SPTBN5: variants seen among roughly 807,000 people sequenced by gnomAD.
SPTBN5 encodes the protein spectrin beta chain, non-erythrocytic 5.
A neutral mutation model predicts 477.6 loss-of-function variants in SPTBN5; 513 were observed. The ratio of observed to expected loss-of-function variants is 1.07; its 90% confidence interval spans 1.00 to 1.16. SPTBN5 has a LOEUF of 1.16. SPTBN5 is among the 50% of genes most tolerant of loss of function. The pLI is 0.00. For missense variants in SPTBN5, 5,062 were observed against 4,731.8 expected, an observed-to-expected ratio of 1.07 and a Z score of -2.05; for synonymous variants, 2,169 against 2,011.7, an observed-to-expected ratio of 1.08 and a Z score of -2.09.
rs2066204221 is a variant in SPTBN5, at chr15:41,863,818, C to A, written c.7035G>T (p.Arg2345Ser). The stretch of plus-strand genomic sequence containing the variant: ...GCAAGTTGCCATGGAAACTCGCCCA[C>A]CTGGCCAAGGGGTGGTGGTGTCATG... Reference protein sequence around the residue: ...ICQRRSQLNNRWASFHGNLLR... With the variant: ...ICQRRSQLNNSWASFHGNLLR... The change falls in exon 41 of 68, where the codon AGG becomes AGT. Residue 2345 changes from arginine to serine, a missense_variant and splice_region_variant. By Grantham distance (110) the Arg-to-Ser change is moderately radical (BLOSUM62 -1). Transcript: ENST00000320955. The A allele has an allele frequency of 1.2e-6, 2 of 1,613,740 alleles. No homozygotes were observed. Among genetic ancestry groups the A allele is most frequent in the Non-Finnish European group, 1.7e-6 (2 of 1,179,872 alleles).
At chr15:41,852,554 G>T (rs1469109247) in intron 61 of SPTBN5, 80 bp downstream of exon 61, 1 of 1,483,920 alleles carries the variant, frequency 6.7e-7, no homozygotes, top group Non-Finnish European at 9.4e-7. Context: ...AGGGCTCAGT[G>T]CCCTGGGAGA....
rs566173906 is a variant in SPTBN5, at chr15:41,879,114, C to T, written c.3182+146G>A. On this transcript the variant is annotated intron_variant, in intron 16 of 67. Coordinates refer to ENST00000320955, the MANE Select transcript of SPTBN5 (RefSeq NM_016642.4). ...CTCTTCCTGTCCCCAGGACCATTTT[C>T]TCCTGATCATCCCCCCATCTTTGCC... The T allele has an allele frequency of 1.0e-4, 99 of 959,060 alleles. 1 individual carries two copies. The highest frequency in any genetic ancestry group is 6.2e-4 in the South Asian group (36 of 58,016). 59.4% of individuals were successfully genotyped at this position (959,060 alleles called of 1,614,324 possible). A position where few individuals can be genotyped will look rare whatever the true frequency, so the allele number is the denominator to read the frequency against.
intron 6 of SPTBN5, 32 bp from the exon 7 acceptor site, chr15:41,886,398 C>T (rs765079407): frequency 1.9e-6 from 3 of 1,541,984 alleles, no homozygotes; most frequent in Admixed American, 3.8e-5. Context: ...GGTCAGGGTC[C>T]TTCTCAGGGC....
rs2140961374 is a variant in SPTBN5 at position 41,882,565 on chromosome 15, CGCGCTCGGG to C, written c.2046+11_2046+19del. 6.3e-7 allele frequency: 1 copy of C among 1,585,218 alleles called. No individual in the cohort carries two copies. Among genetic ancestry groups the C allele is most frequent in the East Asian group, 2.3e-5 (1 of 43,352 alleles). ...GGGCAAGGCGCTGGCGACCGGCGGG[CGCGCTCGGG>C]GAGCTGACACCTTGTGTTTCTGCAG... On this transcript the variant is annotated intron_variant, in intron 10 of 67. Transcript: ENST00000320955.
intron 32 of SPTBN5, among the ~76,000 whole-genome samples, chr15:41,869,450 T>C (rs1164012224): frequency 6.6e-6 from 1 of 152,156 alleles, no homozygotes; most frequent in Non-Finnish European, 1.5e-5. Flanking sequence ...ATAGCTTCTA[T>C]ATTGCCCTCC....
Position 41,878,520 on chromosome 15 carries a change from G to A in SPTBN5, c.3292C>T (p.Gln1098Ter). ...CTCTGCCGGGCCTGAGTCTCAGCCT[G>A]GCGCCGGGCCCGTTGGGCCACTTGT... ...QEQVAQRARRQAETQARQSFL... is the reference protein window; with the variant it reads ...QEQVAQRARR The change falls in exon 17 of 68, where the codon CAG (glutamine) becomes TAG (stop). Residue 1098 changes from glutamine (Q) to a stop codon, truncating the protein, a stop_gained. Coordinates refer to ENST00000320955, the MANE Select transcript of SPTBN5 (RefSeq NM_016642.4). LOFTEE classifies it high-confidence loss of function. 3 of 1,613,150 alleles carry A rather than the reference G, an allele frequency of 1.9e-6. No homozygotes were observed. The highest frequency in any genetic ancestry group is 2.5e-6 in the Non-Finnish European group (3 of 1,179,758).
rs376353205 is a variant in SPTBN5 at position 41,886,337 on chromosome 15, C to T, written c.918G>A (p.Leu306=). Residue 306 remains leucine (L), a synonymous_variant, in exon 7 of 68, where the codon CTG becomes CTA. Transcript: ENST00000320955. ...KILLQLQETE[L]LQTQYEQLVA... is the part of the protein sequence containing the mutation. ...CCAGCTGCTCGTACTGGGTCTGCAG[C>T]AGCTCTGTCTCCTGGAGCTGAAGCA... 1 of 1,609,428 alleles carries T rather than the reference C, an allele frequency of 6.2e-7. No individual in the cohort carries two copies. Among genetic ancestry groups the T allele is most frequent in the African/African-American group, 1.3e-5 (1 of 75,022 alleles).
rs374348183 is a variant in SPTBN5, at chr15:41,872,362, C to T, written c.5105G>A (p.Arg1702His). ...CTCCCGGAGCCTCTCCTGCACCACA[C>T]GCTGCTGCTCAGGGACTTCGGGGCC... ...LTGPEVPEQQRVVQERLREQL... is the reference protein window; with the variant it reads ...LTGPEVPEQQHVVQERLREQL... The change falls in exon 27 of 68, where the codon CGT becomes CAT. Residue 1702 changes from arginine to histidine, a missense_variant. Transcript: ENST00000320955. 90 of 1,611,370 alleles carry T rather than the reference C, an allele frequency of 5.6e-5. No individual in the cohort carries two copies. The highest frequency in any genetic ancestry group is 5.5e-4 in the African/African-American group (41 of 75,004).
rs760415658 is a variant in SPTBN5, at chr15:41,869,859, C to T, written c.5835G>A (p.Leu1945=). Residue 1945 remains leucine (L), a synonymous_variant, in exon 32 of 68, where the codon CTG becomes CTA. Transcript: ENST00000320955. ...RRAQLERARL[L]ARFRTAVRDY... The stretch of plus-strand genomic sequence containing the variant: ...CCCTCACCGCCGTGCGGAAGCGGGC[C>T]AGGAGGCGTGCCCGCTCCAGCTGGG... 6.4e-7 allele frequency: 1 copy of T among 1,561,548 alleles called. No individual in the cohort carries two copies. Among genetic ancestry groups the T allele is most frequent in the Admixed American group, 1.9e-5 (1 of 52,062 alleles).
rs2140949480 is a variant in SPTBN5, at chr15:41,875,596, C to T, written c.4149G>A (p.Arg1383=). ...QQVGRELLSR[R]PCGQEDIQTR... is the part of the protein sequence containing the mutation. ...TCTGTATGTCCTCCTGGCCACAGGG[C>T]CTCCTACTCAACAGCTCTCTCCCAA... The change falls in exon 22 of 68, where the codon AGG becomes AGA. Residue 1383 remains arginine, a synonymous_variant. Coordinates refer to ENST00000320955, the MANE Select transcript of SPTBN5 (RefSeq NM_016642.4). The T allele has an allele frequency of 1.3e-6, 2 of 1,598,512 alleles. No homozygotes were observed. Among genetic ancestry groups the T allele is most frequent in the Non-Finnish European group, 1.7e-6 (2 of 1,172,574 alleles).
Position 41,887,210 on chromosome 15 carries a change from C to T in SPTBN5, c.888+3G>A, listed in dbSNP as rs377196221. 3.2e-6 allele frequency: 5 copies of T among 1,551,312 alleles called. No individual in the cohort carries two copies. Among genetic ancestry groups the T allele is most frequent in the Non-Finnish European group, 4.4e-6 (5 of 1,146,872 alleles). On this transcript the variant is annotated splice_donor_region_variant and intron_variant, in intron 6 of 67. Transcript: ENST00000320955. ...CTCACCCCACCCCTCCTTTCTCCCCCACCTTAGTGAGTCTCCTCTGGACAG... is the reference window on the plus strand; with the variant it reads ...CTCACCCCACCCCTCCTTTCTCCCCTACCTTAGTGAGTCTCCTCTGGACAG...
intron 22 of SPTBN5, 25 bp from the exon 23 acceptor site, chr15:41,875,081 T>C: frequency 6.3e-7 from 1 of 1,588,772 alleles, no homozygotes; most frequent in African/African-American, 1.3e-5. Context: ...TGGAGCTGCA[T>C]TAGGTTCTCT....
intron 63 of SPTBN5, 101 bp from the exon 64 acceptor site, chr15:41,851,470 C>G: frequency 1.1e-6 from 1 of 902,534 alleles, no homozygotes; most frequent in Non-Finnish European, 1.7e-6. Context: ...CCAGGAAAAG[C>G]GGTGGATTGG....
At position 41,850,932 on chromosome 15, in the gene SPTBN5, TGGTCAGCCTGGCACCCACAGTCACA is replaced by T; in HGVS notation, c.10836-18_10842del. 1 of 1,575,562 alleles carries T rather than the reference TGGTCAGCCTGGCACCCACAGTCACA, an allele frequency of 6.3e-7. No individual in the cohort carries two copies. Among genetic ancestry groups the T allele is most frequent in the Non-Finnish European group, 8.6e-7 (1 of 1,169,010 alleles). On this transcript the variant is annotated splice_acceptor_variant and splice_polypyrimidine_tract_variant and coding_sequence_variant and intron_variant, in exon 66 of 68. Coordinates refer to ENST00000320955, the MANE Select transcript of SPTBN5 (RefSeq NM_016642.4). LOFTEE classifies it high-confidence loss of function. ...GCTGCAAACAGGATCTCTGCCCCAC[TGGTCAGCCTGGCACCCACAGTCACA>T]GGTCAAACTCCACTGTCCCTTTGGG...
chr15:41,884,151 A>T (rs894069825), intron 7 of SPTBN5, among the ~76,000 whole-genome samples: 11 of 151,898 alleles, frequency 7.2e-5, no homozygotes, highest in African/African-American at 2.7e-4. Flanking sequence ...ACACCTGGCT[A>T]ATTTTTTTGT....
Position 41,861,842 on chromosome 15 carries a change from T to C in SPTBN5, c.7630A>G (p.Ser2544Gly). The C allele has an allele frequency of 6.2e-7, 1 of 1,607,028 alleles. No individual in the cohort carries two copies. Among genetic ancestry groups the C allele is most frequent in the Non-Finnish European group, 8.5e-7 (1 of 1,179,178 alleles). Residue 2544 changes from serine (S) to glycine (G), a missense_variant, in exon 45 of 68, where the codon AGC (serine) becomes GGC (glycine). Ser to Gly is a moderately conservative substitution (Grantham distance 56). Transcript: ENST00000320955. Reference protein sequence around the residue: ...QQLLTAGHPFSSDIRQVLAGL... With the variant: ...QQLLTAGHPFGSDIRQVLAGL... Reference sequence around the variant, plus strand: ...GCCAGCACCTGGCGAATGTCGGAGCTGAAGGGGTGCCCCGCTGTGAGCAGT... The same window carrying C: ...GCCAGCACCTGGCGAATGTCGGAGCCGAAGGGGTGCCCCGCTGTGAGCAGT...
At chr15:41,880,102 A>G in intron 14 of SPTBN5, 58 bp downstream of exon 14, 2 of 1,523,190 alleles carry the variant, frequency 1.3e-6, no homozygotes, top group East Asian at 2.3e-5. Flanking sequence ...TCACAGCAGC[A>G]GACCACAGGG....
In SPTBN5 at chr15:41,852,527, T is replaced by C. The variant is rs573674427; in HGVS notation, c.10449+107A>G. 2.2e-5 allele frequency: 30 copies of C among 1,367,824 alleles called. No homozygotes were observed. The African/African-American group carries it at 2.3e-4, about 10-fold the overall frequency. The allele number at this position is 1,367,824 out of a possible 1,614,324, so 84.7% of individuals were successfully genotyped here. A position where few individuals can be genotyped will look rare whatever the true frequency, so the allele number is the denominator to read the frequency against. On this transcript the variant is annotated intron_variant, in intron 61 of 67. Coordinates refer to ENST00000320955, the MANE Select transcript of SPTBN5 (RefSeq NM_016642.4). The stretch of plus-strand genomic sequence containing the variant: ...GCAGCTGGCCAGGGAAAGGAGCAGG[T>C]AAGGCAGGGCCGGGTGAGGGCTCAG...
Position 41,868,145 on chromosome 15 carries a change from C to T in SPTBN5, c.6131G>A (p.Arg2044Lys). 1.3e-6 allele frequency: 2 copies of T among 1,595,126 alleles called. No individual in the cohort carries two copies. The highest frequency in any genetic ancestry group is 1.7e-6 in the Non-Finnish European group (2 of 1,171,758). Residue 2044 changes from arginine to lysine, a missense_variant, in exon 34 of 68, where the codon AGG becomes AAG. Transcript: ENST00000320955. ...VYQTWARKQE[R>K]LQAEQQEQLF... ...CTGCTCCTGCTGCTCGGCCTGCAGC[C>T]TCTCTTGCTTCCGTGCCCAGGTCTG...
Sources: allele counts gnomAD v4.1 joint callset (sites outside exome capture counted in the v4.1 genomes callset), GRCh38; gene constraint gnomAD v4.1.1; transcripts MANE v1.5; gene names NCBI Gene and HGNC (gene_info 2026-07-23, HGNC 2026-07-21).